ADAM22: variants seen among roughly 807,000 people sequenced by gnomAD.
ADAM22 encodes ADAM metallopeptidase domain 22.
Under a neutral mutation model 144.6 loss-of-function variants are expected in ADAM22, and 65 were observed. The observed-to-expected ratio is 0.45, with a 90% confidence interval of 0.37 to 0.55. The LOEUF is 0.55. Ranked by LOEUF, ADAM22 falls within the 20% of genes least tolerant of loss-of-function variation. ADAM22 has a pLI of 0.00. For missense variants in ADAM22, 974 were observed against 1,184.9 expected (o/e 0.82, Z 2.61); for synonymous variants, 391 against 412.6 (o/e 0.95, Z 0.63).
chr7:87,943,658 C>G (rs1842898776), intron 2 of ADAM22, among the ~76,000 whole-genome samples: 1 of 152,060 alleles, frequency 6.6e-6, no homozygotes, highest in South Asian at 2.1e-4. Flanking sequence ...ACAGACTGTT[C>G]TCTGTAACTT....
At chr7:88,087,390 A>G (rs1176148790) in intron 4 of ADAM22, among the ~76,000 whole-genome samples, 1 of 152,138 alleles carries the variant, frequency 6.6e-6, no homozygotes. Context: ...CTGTAATATC[A>G]GTTGCCTTGG....
In ADAM22 at chr7:88,200,335, GAA is replaced by G. The variant is rs920749899; in HGVS notation, c.*3846_*3847del. On this transcript the variant is annotated 3_prime_UTR_variant, in exon 32 of 32. Transcript: ENST00000413139. ...TTATTTTACTTTATTTTACTTAAAGGAAAGAGAATTTATTGGCAGGATATTGA... is the reference window on the plus strand; with the variant it reads ...TTATTTTACTTTATTTTACTTAAAGGAGAGAATTTATTGGCAGGATATTGA... The G allele has an allele frequency of 6.6e-6, 1 of 151,982 alleles. No individual in the cohort carries two copies. Among genetic ancestry groups the G allele is most frequent in the African/African-American group, 2.4e-5 (1 of 41,368 alleles). 9.4% of individuals were successfully genotyped at this position (151,982 alleles called of 1,614,324 possible).
rs193001767 is a variant in ADAM22 at position 88,075,561 on chromosome 7, T to A, written c.324-65T>A. The A allele has an allele frequency of 2.1e-4, 287 of 1,394,914 alleles. No homozygotes were observed. The African/African-American group carries it at 3.6e-3, about 17-fold the overall frequency. The allele number at this position is 1,394,914 out of a possible 1,614,324, so 86.4% of individuals were successfully genotyped here. A position where few individuals can be genotyped will look rare whatever the true frequency, so the allele number is the denominator to read the frequency against. On this transcript the variant is annotated intron_variant, in intron 3 of 31. Transcript: ENST00000413139. ...TTAAAGCAGATATGTGTAAACTAGA[T>A]CCTGATTTTCGTGTTTTACATTTTT...
At chr7:87,987,685 A>G (rs142152665) in intron 3 of ADAM22, among the ~76,000 whole-genome samples, 4 of 152,320 alleles carry the variant, frequency 2.6e-5, no homozygotes, top group Non-Finnish European at 5.9e-5. Context: ...CTTGTTCTCT[A>G]ATAGTTATAT....
chr7:88,142,978 T>G (rs1835243772), intron 14 of ADAM22, 48 bp from the exon 15 acceptor site: 13 of 1,181,374 alleles, frequency 1.1e-5, no homozygotes, highest in Non-Finnish European at 1.4e-5. Context: ...CATTCACAAA[T>G]GAGAAAGATG....
chr7:88,187,838 A>G (rs1171958331), intron 30 of ADAM22, among the ~76,000 whole-genome samples: 2 of 152,038 alleles, frequency 1.3e-5, no homozygotes, highest in Non-Finnish European at 2.9e-5. Context: ...CTGCCTTTTA[A>G]TTTGATCCAT....
rs115411573 is a variant in ADAM22 at position 88,175,205 on chromosome 7, C to A, written c.2300+3644C>A. Among the ~76,000 whole-genome samples the A allele has an allele frequency of 8.0e-3, 1,218 of 152,226 alleles. 19 individuals are homozygous for A. Among genetic ancestry groups the A allele is most frequent in the African/African-American group, 0.028 (1,154 of 41,546 alleles). Reference sequence around the variant, plus strand: ...TTGGGGTGATCAAGAAACAGTCTTACTTGATGTTTAAATTTAGAATGCTAA... The same window carrying A: ...TTGGGGTGATCAAGAAACAGTCTTAATTGATGTTTAAATTTAGAATGCTAA... On this transcript the variant is annotated intron_variant, in intron 26 of 31. Transcript: ENST00000413139.
At chr7:88,001,100 C>T (rs1187846857) in intron 3 of ADAM22, among the ~76,000 whole-genome samples, 6 of 152,224 alleles carry the variant, frequency 3.9e-5, no homozygotes, top group Admixed American at 1.3e-4. Flanking sequence ...TCTGGTACAT[C>T]TGTCTTTCAG....
At chr7:88,079,334 C>A (rs549493890) in intron 4 of ADAM22, among the ~76,000 whole-genome samples, 49 of 152,292 alleles carry the variant, frequency 3.2e-4, no homozygotes, top group African/African-American at 1.1e-3. Context: ...CCTACAAGAG[C>A]TCCTGAAGGA....
chr7:88,092,632 C>T (rs1820225946), intron 4 of ADAM22, among the ~76,000 whole-genome samples: 1 of 152,206 alleles, frequency 6.6e-6, no homozygotes. Context: ...ATTTAATTCT[C>T]TTTGCATTAT....
chr7:88,168,043 G>C (rs190771778), intron 24 of ADAM22, 94 bp from the exon 25 acceptor site: 2 of 956,780 alleles, frequency 2.1e-6, no homozygotes, highest in African/African-American at 3.3e-5. Context: ...AAAACAAACA[G>C]TGTTGTTAGT....
At chr7:87,959,184 C>T (rs1847494463) in intron 2 of ADAM22, among the ~76,000 whole-genome samples, 1 of 152,054 alleles carries the variant, frequency 6.6e-6, no homozygotes, top group Non-Finnish European at 1.5e-5. Context: ...ATTTAAAGCT[C>T]ACCTCTGCCA....
chr7:88,015,515 G>A (rs1218160995), intron 3 of ADAM22, among the ~76,000 whole-genome samples: 1 of 152,186 alleles, frequency 6.6e-6, no homozygotes, highest in East Asian at 1.9e-4. Flanking sequence ...GTTCAGAAAA[G>A]CTAAGTGGTA....
intron 3 of ADAM22, among the ~76,000 whole-genome samples, chr7:88,056,949 T>A (rs1808405934): frequency 6.6e-6 from 1 of 152,152 alleles, no homozygotes; most frequent in African/African-American, 2.4e-5. Context: ...TATGAGGCAA[T>A]GGGAATTTTT....
intron 3 of ADAM22, among the ~76,000 whole-genome samples, chr7:88,029,573 A>G (rs1401728082): frequency 2.6e-5 from 4 of 152,048 alleles, no homozygotes; most frequent in South Asian, 2.1e-4. Flanking sequence ...TAAGTTTTGT[A>G]CCTTCAGATG....
chr7:87,944,817 T>A (rs530786604), intron 2 of ADAM22, among the ~76,000 whole-genome samples: 15 of 35,836 alleles, frequency 4.2e-4, no homozygotes, highest in Non-Finnish European at 8.4e-4. Context: ...GAAACTTGTG[T>A]TTTTTTTTTT....
intron 2 of ADAM22, among the ~76,000 whole-genome samples, chr7:87,966,449 T>C (rs900686429): frequency 2.0e-5 from 3 of 152,192 alleles, no homozygotes; most frequent in African/African-American, 4.8e-5. Flanking sequence ...ATGGCCAAGA[T>C]GATGGAGAGA....
chr7:88,077,283 A>G lies in ADAM22; in HGVS notation c.390+1591A>G, dbSNP rs193038683. On this transcript the variant is annotated intron_variant, in intron 4 of 31. Transcript: ENST00000413139. ...ATAATTGAGTTTTTCCATTACATAT[A>G]TATGTAAACTAAAAGAAAACTTTTC... 1.9e-3 allele frequency among the ~76,000 whole-genome samples: 292 copies of G among 152,340 alleles called. 2 individuals are homozygous for G. The highest frequency in any genetic ancestry group is 6.4e-3 in the African/African-American group (265 of 41,576).
At position 88,070,612 on chromosome 7, in the gene ADAM22, G is replaced by A. The variant is rs1339600600; in HGVS notation, c.324-5014G>A. Among the ~76,000 whole-genome samples, 4 of 151,972 alleles carry A rather than the reference G, an allele frequency of 2.6e-5. No individual in the cohort carries two copies. The East Asian group carries it at 7.7e-4, about 29-fold the overall frequency. ...CATGATTTTGTTTTTTTCTATTATT[G>A]GTTATGTTAACTGTGATCACTTGGT... is the stretch of plus-strand genomic sequence containing the variant. On this transcript the variant is annotated intron_variant, in intron 3 of 31. Coordinates refer to ENST00000413139, the MANE Select transcript of ADAM22 (RefSeq NM_001324418.2).
Sources: allele counts gnomAD v4.1 joint callset (sites outside exome capture counted in the v4.1 genomes callset), GRCh38; gene constraint gnomAD v4.1.1; transcripts MANE v1.5; gene names NCBI Gene and HGNC (gene_info 2026-07-23, HGNC 2026-07-21).